MACROD2: variants seen among roughly 807,000 people sequenced by gnomAD.
MACROD2 encodes the protein mono-ADP ribosylhydrolase 2, also known as ADP-ribose glycohydrolase MACROD2.
In MACROD2, 36 loss-of-function variants were observed where a neutral mutation model predicts 70.4. That is an observed-to-expected ratio of 0.51 (90% CI 0.39 to 0.68). The LOEUF is 0.68. Ranked by LOEUF, MACROD2 falls within the 30% of genes least tolerant of loss-of-function variation. The probability of loss-of-function intolerance (pLI) is 0.00; values close to 1 mark genes in which losing one functional copy is unlikely to be tolerated. For missense variants in MACROD2, 496 were observed against 538.4 expected (o/e 0.92, Z 0.78); for synonymous variants, 172 against 178.8 (o/e 0.96, Z 0.30).
intron 5 of MACROD2, among the ~76,000 whole-genome samples, chr20:15,139,804 G>C (rs1317959360): frequency 1.3e-5 from 2 of 152,146 alleles, no homozygotes; most frequent in Non-Finnish European, 2.9e-5. Flanking sequence ...TCTTGAGGAG[G>C]CTCACGACAC....
At chr20:16,040,449 T>A (rs2067292936) in intron 15 of MACROD2, among the ~76,000 whole-genome samples, 1 of 152,042 alleles carries the variant, frequency 6.6e-6, no homozygotes, top group East Asian at 1.9e-4. Flanking sequence ...ATGTATGTAT[T>A]TGTATTTACA....
chr20:15,369,484 AATGTT>A (rs1171728925), intron 6 of MACROD2, among the ~76,000 whole-genome samples: 3 of 151,970 alleles, frequency 2.0e-5, no homozygotes, highest in African/African-American at 7.3e-5. Context: ...TTTAGGGAAA[AATGTT>A]ATGTTTTATC....
chr20:13,996,823 T>C (rs2052665524), intron 1 of MACROD2, among the ~76,000 whole-genome samples: 1 of 152,226 alleles, frequency 6.6e-6, no homozygotes, highest in Non-Finnish European at 1.5e-5. Context: ...CTAAAACCTG[T>C]ATAGCAAGGG....
chr20:16,032,237 C>A (rs920113877), intron 15 of MACROD2, among the ~76,000 whole-genome samples: 1 of 151,910 alleles, frequency 6.6e-6, no homozygotes, highest in Non-Finnish European at 1.5e-5. Flanking sequence ...GAACAATATA[C>A]AATGTGGACC....
chr20:15,124,452 T>C (rs898662045), intron 5 of MACROD2, among the ~76,000 whole-genome samples: 2 of 151,770 alleles, frequency 1.3e-5, no homozygotes, highest in African/African-American at 4.8e-5. Context: ...AACCTTTATG[T>C]TCTATGAAAT....
At position 15,937,447 on chromosome 20, in the gene MACROD2, T is replaced by C. The variant is rs200978686; in HGVS notation, c.839-29T>C. On this transcript the variant is annotated intron_variant, in intron 11 of 17. Transcript: ENST00000684519. ...GCTGGACTTCCGGAAGGATGAACTC[T>C]GAGGCAGTGTTTCTTTTCTGCTTTA... The C allele has an allele frequency of 9.3e-6, 15 of 1,611,060 alleles. No homozygotes were observed. In the East Asian group the frequency reaches 3.3e-4, roughly 36 times the overall value.
At position 15,470,450 on chromosome 20, in the gene MACROD2, C is replaced by A. The variant is rs143095453; in HGVS notation, c.572-29324C>A. On this transcript the variant is annotated intron_variant, in intron 7 of 17. Transcript: ENST00000684519. ...TGAAGCCTGGCTTTCCCCTGAGGTA[C>A]CATCTCCTCCTAACCTTCAACAGGG... Among the ~76,000 whole-genome samples the A allele has an allele frequency of 7.3e-3, 1,118 of 152,284 alleles. 15 individuals carry two copies. Among genetic ancestry groups the A allele is most frequent in the African/African-American group, 0.025 (1,038 of 41,550 alleles).
At chr20:14,502,252 C>A (rs2084922624) in intron 4 of MACROD2, among the ~76,000 whole-genome samples, 1 of 152,106 alleles carries the variant, frequency 6.6e-6, no homozygotes, top group Admixed American at 6.6e-5. Flanking sequence ...TCTTAGGGAG[C>A]CACTTTTATA....
chr20:14,704,030 A>G (rs527674467), intron 5 of MACROD2, among the ~76,000 whole-genome samples: 4 of 152,212 alleles, frequency 2.6e-5, no homozygotes, highest in Admixed American at 2.0e-4. Flanking sequence ...ATCTGGCCTG[A>G]GACCCTGACT....
At position 15,024,015 on chromosome 20, in the gene MACROD2, A is replaced by T. The variant is rs555269013; in HGVS notation, c.419-205925A>T. 2.0e-5 allele frequency among the ~76,000 whole-genome samples: 3 copies of T among 152,284 alleles called. No homozygotes were observed. In the South Asian group the frequency reaches 6.2e-4, roughly 32 times the overall value. On this transcript the variant is annotated intron_variant, in intron 5 of 17. Transcript: ENST00000684519. ...TGTTCAATAAATATAAGCAGGTCCT[A>T]TCCTACTCATAGCCTAGAATTTTCA...
At chr20:14,295,396 G>T (rs1446501012) in intron 3 of MACROD2, among the ~76,000 whole-genome samples, 7 of 151,880 alleles carry the variant, frequency 4.6e-5, no homozygotes, top group Non-Finnish European at 8.8e-5. Context: ...CAATAAGGCC[G>T]GCCCAACAAT....
At chr20:14,109,284 G>T (rs1297206923) in intron 3 of MACROD2, among the ~76,000 whole-genome samples, 2 of 151,710 alleles carry the variant, frequency 1.3e-5, no homozygotes, top group Admixed American at 6.6e-5. Context: ...ATAGCTAAAA[G>T]TTCCTACATT....
At chr20:14,793,580 C>T (rs1026920038) in intron 5 of MACROD2, among the ~76,000 whole-genome samples, 10 of 151,792 alleles carry the variant, frequency 6.6e-5, no homozygotes, top group African/African-American at 1.2e-4. Flanking sequence ...TCGATTATAC[C>T]GGGGTTGGAA....
At chr20:15,585,754 A>G (rs752222417) in intron 8 of MACROD2, among the ~76,000 whole-genome samples, 1 of 113,256 alleles carries the variant, frequency 8.8e-6, no homozygotes, top group Admixed American at 1.0e-4. Context: ...TCTTTTCCCT[A>G]TTTCACTGCC....
At chr20:15,660,109 T>C (rs1384817423) in intron 8 of MACROD2, among the ~76,000 whole-genome samples, 2 of 152,140 alleles carry the variant, frequency 1.3e-5, no homozygotes, top group African/African-American at 2.4e-5. Flanking sequence ...ATTAAGTGAA[T>C]GATGGAATGA....
chr20:14,522,989 C>T (rs1001622768), intron 4 of MACROD2, among the ~76,000 whole-genome samples: 5 of 152,130 alleles, frequency 3.3e-5, no homozygotes, highest in African/African-American at 1.2e-4. Flanking sequence ...GCCTTTTATA[C>T]TTTTGAGAAT....
chr20:14,388,026 T>G (rs1439408602), intron 3 of MACROD2, among the ~76,000 whole-genome samples: 1 of 151,656 alleles, frequency 6.6e-6, no homozygotes, highest in African/African-American at 2.4e-5. Flanking sequence ...TTTTTTTTTT[T>G]TGAGACAGAG....
At chr20:15,857,293 A>G (rs1228942578) in intron 8 of MACROD2, among the ~76,000 whole-genome samples, 2 of 152,184 alleles carry the variant, frequency 1.3e-5, no homozygotes, top group African/African-American at 4.8e-5. Context: ...GCAGATGATA[A>G]AAGAGGAAGT....
chr20:15,197,999 T>C (rs55813810), intron 5 of MACROD2, among the ~76,000 whole-genome samples: 14,936 of 146,682 alleles, frequency 0.1, 1,000 homozygotes, highest in Non-Finnish European at 0.15. Flanking sequence ...TCTTGCTCTG[T>C]CACCCAGGCT....
Sources: allele counts gnomAD v4.1 joint callset (sites outside exome capture counted in the v4.1 genomes callset), GRCh38; gene constraint gnomAD v4.1.1; transcripts MANE v1.5; gene names NCBI Gene and HGNC (gene_info 2026-07-23, HGNC 2026-07-21).